The following TBC1D5 variants were observed in gnomAD, a reference collection of about 807,000 sequenced individuals.
TBC1D5 encodes TBC1 domain family member 5.
TBC1D5 carries 75 observed loss-of-function variants against 100.3 expected under a neutral mutation model. The observed-to-expected ratio is 0.75, with a 90% CI of 0.62 to 0.91. TBC1D5 has a LOEUF of 0.91. TBC1D5 is among the 40% of genes least tolerant of loss of function. TBC1D5 has a pLI of 0.00. For missense variants in TBC1D5, 910 were observed against 942.4 expected, an observed-to-expected ratio of 0.97 and a Z score of 0.45; for synonymous variants, 323 against 325.6, an observed-to-expected ratio of 0.99 and a Z score of 0.09.
intron 14 of TBC1D5, among the ~76,000 whole-genome samples, chr3:17,297,218 T>A (rs994298198): frequency 3.9e-5 from 6 of 152,238 alleles, no homozygotes; most frequent in African/African-American, 1.4e-4. Context: ...CACAGGCTTC[T>A]GTTTTCTCCA....
chr3:17,403,048 A>G (rs17043565), intron 8 of TBC1D5, 133 bp downstream of exon 8: 27,925 of 608,328 alleles, frequency 0.046, 2,039 homozygotes, highest in African/African-American at 0.25. Context: ...ATTTGTCAAA[A>G]CAAGTTTGTT....
At chr3:17,663,127 T>G (rs1218972117) in intron 1 of TBC1D5, 1 of 152,074 alleles carries the variant, frequency 6.6e-6, no homozygotes, top group Non-Finnish European at 1.5e-5. Context: ...AGCCAATACA[T>G]AGAAAATACA....
At chr3:17,441,884 C>CATCAT (rs143279024) in intron 3 of TBC1D5, among the ~76,000 whole-genome samples, 2,220 of 152,182 alleles carry the variant, frequency 0.015, 49 homozygotes, top group African/African-American at 0.05. Flanking sequence ...AAGAAAAGTA[C>CATCAT]ATCATAGGTT....
chr3:17,357,172 G>C (rs963909966), intron 13 of TBC1D5, among the ~76,000 whole-genome samples: 4 of 152,142 alleles, frequency 2.6e-5, no homozygotes, highest in Admixed American at 6.6e-5. Context: ...GTGAAGAGAA[G>C]GATACAAGAA....
At chr3:17,406,427 A>G in exon 5 of TBC1D5, 1 of 1,605,716 alleles carries the variant, frequency 6.2e-7, no homozygotes. Flanking sequence ...CCTTCCAGCA[A>G]ATGCTGCGGA....
intron 17 of TBC1D5, 36 bp downstream of exon 17, chr3:17,238,127 A>G (rs1334616753): frequency 6.3e-7 from 1 of 1,593,598 alleles, no homozygotes; most frequent in Admixed American, 1.7e-5. Context: ...CTACACCATG[A>G]ATGTTTTCTT....
rs576009892 is a variant in TBC1D5, at chr3:17,225,267, C to T, written c.1589-10897G>A. Among the ~76,000 whole-genome samples, 185 of 151,254 alleles carry T rather than the reference C, an allele frequency of 1.2e-3. 1 individual carries two copies. The highest frequency in any genetic ancestry group is 1.8e-3 in the Non-Finnish European group (123 of 67,818). On this transcript the variant is annotated intron_variant, in intron 17 of 21. Coordinates refer to ENST00000253692, the Ensembl canonical transcript of TBC1D5. The stretch of plus-strand genomic sequence containing the variant: ...CAGCCTGGCCAACATGGTGAAACCC[C>T]GTCTCTATTAAAAATACAAAAATTA...
At chr3:17,394,793 C>T (rs992554954) in intron 8 of TBC1D5, among the ~76,000 whole-genome samples, 6 of 151,946 alleles carry the variant, frequency 3.9e-5, no homozygotes, top group East Asian at 1.9e-4. Context: ...AAAATTAAGA[C>T]GACGCAATCG....
intron 4 of TBC1D5, among the ~76,000 whole-genome samples, chr3:17,408,828 T>C (rs11929394): frequency 0.091 from 13,836 of 152,106 alleles, 1,419 homozygotes; most frequent in African/African-American, 0.25. Context: ...ATTGATCCTT[T>C]CATTGTTTTC....
chr3:17,587,292 C>G (rs2096738808), intron 2 of TBC1D5, among the ~76,000 whole-genome samples: 1 of 151,848 alleles, frequency 6.6e-6, no homozygotes, highest in Non-Finnish European at 1.5e-5. Context: ...TATCAACTTC[C>G]CCTAGATTTC....
At chr3:17,224,230 A>G (rs1212410469) in intron 17 of TBC1D5, among the ~76,000 whole-genome samples, 1 of 152,196 alleles carries the variant, frequency 6.6e-6, no homozygotes, top group Non-Finnish European at 1.5e-5. Context: ...CTGGGAAAAA[A>G]GCTAGCACAG....
chr3:17,732,944 T>C (rs1303738303), intron 1 of TBC1D5, among the ~76,000 whole-genome samples: 2 of 152,232 alleles, frequency 1.3e-5, no homozygotes, highest in East Asian at 3.9e-4. Flanking sequence ...TGTGACAAGA[T>C]GGGGACATTA....
At chr3:17,255,404 G>T (rs1332912206) in intron 16 of TBC1D5, among the ~76,000 whole-genome samples, 1 of 151,994 alleles carries the variant, frequency 6.6e-6, no homozygotes, top group African/African-American at 2.4e-5. Flanking sequence ...GTTTCACCAC[G>T]TTGGCCAGGA....
intron 2 of TBC1D5, among the ~76,000 whole-genome samples, chr3:17,608,128 G>A (rs1034331083): frequency 5.3e-5 from 8 of 152,196 alleles, no homozygotes; most frequent in East Asian, 1.9e-4. Context: ...ATGGTGGCGC[G>A]TGCCTGTAAT....
At chr3:17,397,815 A>G (rs57863448) in intron 8 of TBC1D5, among the ~76,000 whole-genome samples, 3,675 of 152,334 alleles carry the variant, frequency 0.024, 100 homozygotes, top group East Asian at 0.073. Context: ...TGATAACAGC[A>G]TATCAATAGG....
chr3:17,272,091 TGGAAA>T (rs67327364), intron 15 of TBC1D5, among the ~76,000 whole-genome samples: 61,130 of 151,486 alleles, frequency 0.4, 12,899 homozygotes, highest in Middle Eastern at 0.5. Context: ...GAGAGAGTTA[TGGAAA>T]GGAGAGGTGC....
intron 1 of TBC1D5, among the ~76,000 whole-genome samples, chr3:17,644,395 T>C (rs1003957412): frequency 4.6e-5 from 7 of 152,190 alleles, no homozygotes; most frequent in Non-Finnish European, 7.4e-5. Context: ...GCAATCTTGA[T>C]ACACTATTTA....
chr3:17,605,022 C>G (rs559690807), intron 2 of TBC1D5, among the ~76,000 whole-genome samples: 1 of 152,290 alleles, frequency 6.6e-6, no homozygotes, highest in Admixed American at 6.5e-5. Flanking sequence ...CTTCCATATC[C>G]CCAAAATATC....
At chr3:17,442,369 G>T (rs2094683071) in intron 3 of TBC1D5, among the ~76,000 whole-genome samples, 1 of 152,178 alleles carries the variant, frequency 6.6e-6, no homozygotes. Context: ...GAAAACTGCA[G>T]AAAAGGTTCC....
Sources: allele counts gnomAD v4.1 joint callset (sites outside exome capture counted in the v4.1 genomes callset), GRCh38; gene constraint gnomAD v4.1.1; transcripts MANE v1.5; gene names NCBI Gene and HGNC (gene_info 2026-07-23, HGNC 2026-07-21).